ERC1: variants seen among roughly 807,000 people sequenced by gnomAD.
ERC1 encodes ELKS/RAB6-interacting/CAST family member 1, also known as RAB6 interacting protein 2.
In ERC1, 56 loss-of-function variants were observed where a neutral mutation model predicts 132.0. The ratio of observed to expected loss-of-function variants is 0.42; its 90% CI spans 0.34 to 0.53. ERC1 has a LOEUF of 0.53. ERC1 is among the 20% of genes least tolerant of loss of function. ERC1 has a pLI of 0.03. For synonymous variants in ERC1, 478 were observed against 476.1 expected, an observed-to-expected ratio of 1.00 and a Z score of -0.05; for missense variants, 1,202 against 1,349.9, an observed-to-expected ratio of 0.89 and a Z score of 1.72.
At chr12:1,270,068 G>A (rs1426398967) in intron 14 of ERC1, among the ~76,000 whole-genome samples, 1 of 152,184 alleles carries the variant, frequency 6.6e-6, no homozygotes, top group East Asian at 1.9e-4. Context: ...TTTGGGGTAT[G>A]TAATTCTGAA....
chr12:1,364,552 C>T (rs2086473065), intron 15 of ERC1, among the ~76,000 whole-genome samples: 1 of 152,184 alleles, frequency 6.6e-6, no homozygotes, highest in African/African-American at 2.4e-5. Flanking sequence ...CCTGTAGACA[C>T]TCTCTAATCC....
intron 2 of ERC1, among the ~76,000 whole-genome samples, chr12:1,040,802 A>G (rs928677637): frequency 1.3e-5 from 2 of 152,166 alleles, no homozygotes; most frequent in Non-Finnish European, 2.9e-5. Context: ...TGGTGACTGT[A>G]TAGGCCGAGA....
intron 17 of ERC1, among the ~76,000 whole-genome samples, chr12:1,409,522 A>G (rs780796749): frequency 3.9e-5 from 6 of 152,230 alleles, no homozygotes; most frequent in Non-Finnish European, 8.8e-5. Context: ...AGATAGAGAT[A>G]GCATCTTGGA....
rs74059723 is a variant in ERC1 at position 1,271,524 on chromosome 12, C to T, written c.2619+8359C>T. Among the ~76,000 whole-genome samples, 1,012 of 152,148 alleles carry T rather than the reference C, an allele frequency of 6.7e-3. 10 individuals are homozygous for T. Among genetic ancestry groups the T allele is most frequent in the African/African-American group, 0.023 (963 of 41,482 alleles). ...ATTAAAGAAATGTTAGCTACATTATCGTCAGTTTTAGAATTGTTATCAGAT... is the reference window on the plus strand; with the variant it reads ...ATTAAAGAAATGTTAGCTACATTATTGTCAGTTTTAGAATTGTTATCAGAT... On this transcript the variant is annotated intron_variant, in intron 14 of 18. Coordinates refer to ENST00000360905, the MANE Select transcript of ERC1 (RefSeq NM_178040.4).
intron 2 of ERC1, among the ~76,000 whole-genome samples, chr12:1,077,393 T>C (rs1282207209): frequency 1.3e-5 from 2 of 152,234 alleles, no homozygotes; most frequent in Non-Finnish European, 2.9e-5. Context: ...TGAATAGTAG[T>C]TGTGATCTGT....
intron 14 of ERC1, among the ~76,000 whole-genome samples, chr12:1,285,799 G>A (rs1430171620): frequency 6.6e-6 from 1 of 152,106 alleles, no homozygotes; most frequent in East Asian, 1.9e-4. Flanking sequence ...TATTTAATAA[G>A]GTTCACATAA....
At chr12:1,298,680 CAAAT>C (rs1040242231) in intron 15 of ERC1, among the ~76,000 whole-genome samples, 2 of 150,048 alleles carry the variant, frequency 1.3e-5, no homozygotes, top group Admixed American at 1.3e-4. Context: ...ACAGAAACAA[CAAAT>C]GAATGACATA....
At chr12:1,075,724 C>CA (rs34153819) in intron 2 of ERC1, among the ~76,000 whole-genome samples, 34,448 of 150,766 alleles carry the variant, frequency 0.23, 4,334 homozygotes, top group Middle Eastern at 0.28. Flanking sequence ...AAGACTGTCT[C>CA]GGGGGAAAAG....
intron 17 of ERC1, among the ~76,000 whole-genome samples, chr12:1,435,325 G>A (rs1034717562): frequency 2.0e-5 from 3 of 152,118 alleles, no homozygotes; most frequent in African/African-American, 7.2e-5. Flanking sequence ...GAAGGAGAGA[G>A]GGGAGTTAGG....
At chr12:1,052,796 C>A (rs960717986) in intron 2 of ERC1, among the ~76,000 whole-genome samples, 2 of 151,996 alleles carry the variant, frequency 1.3e-5, no homozygotes, top group Admixed American at 6.6e-5. Flanking sequence ...ATGGTGAAAC[C>A]CCGTCTCCAC....
At chr12:1,026,944 C>A (rs1291432765) in intron 1 of ERC1, among the ~76,000 whole-genome samples, 1 of 152,148 alleles carries the variant, frequency 6.6e-6, no homozygotes, top group African/African-American at 2.4e-5. Flanking sequence ...TTAGCAAAAT[C>A]CTGTAGAGAT....
At chr12:993,960 T>C (rs559475523) in intron 1 of ERC1, among the ~76,000 whole-genome samples, 15 of 149,062 alleles carry the variant, frequency 1.0e-4, no homozygotes, top group African/African-American at 3.7e-4. Context: ...CCCCAGCTAC[T>C]CAGGAAGCTG....
chr12:1,045,583 C>G (rs1970960167), intron 2 of ERC1, among the ~76,000 whole-genome samples: 1 of 151,696 alleles, frequency 6.6e-6, no homozygotes, highest in South Asian at 2.1e-4. Flanking sequence ...CAATGTTGTC[C>G]TCATTTATAG....
intron 17 of ERC1, among the ~76,000 whole-genome samples, chr12:1,427,846 G>A (rs2092685349): frequency 6.6e-6 from 1 of 152,208 alleles, no homozygotes; most frequent in Non-Finnish European, 1.5e-5. Flanking sequence ...ATGGCAGTGA[G>A]GGTGACATTG....
intron 1 of ERC1, among the ~76,000 whole-genome samples, chr12:993,270 C>T (rs1026188185): frequency 2.0e-5 from 3 of 152,094 alleles, no homozygotes; most frequent in African/African-American, 7.2e-5. Flanking sequence ...TATACATAGA[C>T]TTAATTAATT....
At chr12:1,262,924 T>G in intron 13 of ERC1, 110 bp from the exon 14 acceptor site, 1 of 1,069,446 alleles carries the variant, frequency 9.4e-7, no homozygotes, top group Non-Finnish European at 1.3e-6. Flanking sequence ...GACCTGGATT[T>G]GCTTCTGATG....
intron 17 of ERC1, among the ~76,000 whole-genome samples, chr12:1,436,147 G>A (rs1421676274): frequency 7.1e-6 from 1 of 140,752 alleles, no homozygotes; most frequent in Admixed American, 6.7e-5. Flanking sequence ...TCCATGTACA[G>A]ACAGACGGAC....
At chr12:1,455,643 T>A (rs1463729139) in intron 18 of ERC1, among the ~76,000 whole-genome samples, 2 of 152,218 alleles carry the variant, frequency 1.3e-5, no homozygotes. Flanking sequence ...AGAACTAACA[T>A]CTACTCAGGG....
chr12:1,210,166 G>GGTAT (rs1362349033), intron 12 of ERC1, among the ~76,000 whole-genome samples: 3 of 152,172 alleles, frequency 2.0e-5, no homozygotes, highest in Non-Finnish European at 4.4e-5. Flanking sequence ...TGGCTTCTTG[G>GGTAT]GTATGGCTTA....
Sources: gnomAD v4.1 joint callset for allele counts (sites outside exome capture counted in the v4.1 genomes callset) on GRCh38, gnomAD v4.1.1 for gene constraint, MANE v1.5 for transcripts, NCBI Gene and HGNC (gene_info 2026-07-23, HGNC 2026-07-21) for gene names.